Variants in WDR41 observed in about 807,000 individuals in gnomAD.
The protein encoded by WDR41 is WD repeat domain 41, also known as WD repeat-containing protein 41.
A neutral mutation model predicts 69.3 loss-of-function variants in WDR41; 63 were observed. The observed-to-expected ratio is 0.91, with a 90% confidence interval of 0.74 to 1.12. The LOEUF is 1.12. Among genes scored for constraint, WDR41 ranks in the 50% most tolerant of loss-of-function variants. WDR41 has a pLI of 0.00. For synonymous variants in WDR41, 185 were observed against 192.1 expected (o/e 0.96, Z 0.31); for missense variants, 543 against 534.5 (o/e 1.02, Z -0.16).
chr5:77,608,208 A>T (rs1172843865), intron 1 of WDR41, among the ~76,000 whole-genome samples: 3 of 152,208 alleles, frequency 2.0e-5, no homozygotes, highest in Non-Finnish European at 4.4e-5. Flanking sequence ...CATACAGCAG[A>T]ATGTCCTCAA....
chr5:77,562,234 G>C (rs999624663), intron 1 of WDR41, among the ~76,000 whole-genome samples: 9 of 152,140 alleles, frequency 5.9e-5, no homozygotes, highest in African/African-American at 1.9e-4. Flanking sequence ...CAAGGGCAGA[G>C]GGGCCCTGTA....
upstream of WDR41, among the ~76,000 whole-genome samples, chr5:77,495,695 A>G (rs1581773071): frequency 1.3e-5 from 2 of 152,210 alleles, no homozygotes; most frequent in South Asian, 2.1e-4. Flanking sequence ...ACATTTAAAG[A>G]AGAATTAACA....
intron 2 of WDR41, among the ~76,000 whole-genome samples, chr5:77,469,607 C>T (rs1800472895): frequency 6.6e-6 from 1 of 151,834 alleles, no homozygotes; most frequent in African/African-American, 2.4e-5. Flanking sequence ...ATGTTAACAC[C>T]CATCAATAAT....
At chr5:77,458,781 T>C (rs755880328) in intron 5 of WDR41, 22 of 247,956 alleles carry the variant, frequency 8.9e-5, no homozygotes, top group Non-Finnish European at 1.4e-4. Flanking sequence ...CTACAAGTAA[T>C]ATCTCTTCCT....
chr5:77,603,114 T>G (rs7443176), intron 1 of WDR41, among the ~76,000 whole-genome samples: 13,826 of 152,098 alleles, frequency 0.091, 868 homozygotes, highest in East Asian at 0.25. Flanking sequence ...ATTTTTGTAT[T>G]TTTATTAGAG....
At chr5:77,544,894 TC>T (rs200042205) in intron 1 of WDR41, among the ~76,000 whole-genome samples, 1,613 of 152,172 alleles carry the variant, frequency 0.011, 37 homozygotes, top group African/African-American at 0.037. Context: ...CATGGAACTT[TC>T]TCCAGGATAC....
intron 2 of WDR41, among the ~76,000 whole-genome samples, chr5:77,485,999 T>A (rs1413124318): frequency 6.6e-6 from 1 of 152,154 alleles, no homozygotes. Flanking sequence ...AAAAAAAGGA[T>A]AATGATATAA....
At chr5:77,552,493 CT>C (rs1339262614) in intron 1 of WDR41, among the ~76,000 whole-genome samples, 5 of 152,272 alleles carry the variant, frequency 3.3e-5, no homozygotes, top group African/African-American at 4.8e-5. Flanking sequence ...AGTGTAACTC[CT>C]ATCAAAATCC....
chr5:77,455,087 G>T (rs1040106225), intron 5 of WDR41, among the ~76,000 whole-genome samples: 3 of 152,064 alleles, frequency 2.0e-5, no homozygotes, highest in African/African-American at 4.8e-5. Flanking sequence ...TGGCTGTATT[G>T]TATCATTCTA....
chr5:77,611,729 G>C (rs1163446632), intron 1 of WDR41, among the ~76,000 whole-genome samples: 1 of 151,624 alleles, frequency 6.6e-6, no homozygotes, highest in African/African-American at 2.4e-5. Flanking sequence ...ACAATTAAAA[G>C]AACTAGAAAA....
At chr5:77,575,047 A>G (rs1351648865) in intron 1 of WDR41, among the ~76,000 whole-genome samples, 1 of 152,200 alleles carries the variant, frequency 6.6e-6, no homozygotes, top group Non-Finnish European at 1.5e-5. Flanking sequence ...ATGCATTCAG[A>G]AAATTTAAAA....
intron 1 of WDR41, among the ~76,000 whole-genome samples, chr5:77,513,009 C>G (rs1435828783): frequency 2.0e-5 from 3 of 152,132 alleles, no homozygotes; most frequent in African/African-American, 7.2e-5. Flanking sequence ...TTTTCCCCAC[C>G]TGGCTGAAAT....
chr5:77,532,749 A>G (rs1365817577), intron 1 of WDR41, among the ~76,000 whole-genome samples: 1 of 152,168 alleles, frequency 6.6e-6, no homozygotes, highest in East Asian at 1.9e-4. Flanking sequence ...ACTAAATTAT[A>G]CAGTAAATAT....
intron 8 of WDR41, among the ~76,000 whole-genome samples, chr5:77,446,544 A>T (rs437817): frequency 0.13 from 20,150 of 152,202 alleles, 1,827 homozygotes; most frequent in African/African-American, 0.23. Context: ...GGCTACAGTA[A>T]CCAAAACAAC....
chr5:77,431,749 A>G lies in WDR41; in HGVS notation c.*1386T>C, dbSNP rs1439436012. 3.9e-5 allele frequency: 6 copies of G among 152,254 alleles called. No individual in the cohort carries two copies. In the South Asian group the frequency reaches 1.0e-3, roughly 26 times the overall value. 9.4% of individuals were successfully genotyped at this position (152,254 alleles called of 1,614,324 possible). On this transcript the variant is annotated 3_prime_UTR_variant, in exon 13 of 13. Transcript: ENST00000296679. Reference sequence around the variant, plus strand: ...ACTTTACAAATGTATGGGCCAATGCAGAATTTCTAAAGGAAAAAGCACGTG... The same window carrying G: ...ACTTTACAAATGTATGGGCCAATGCGGAATTTCTAAAGGAAAAAGCACGTG...
chr5:77,542,440 G>A (rs1580000702), intron 1 of WDR41, among the ~76,000 whole-genome samples: 1 of 152,004 alleles, frequency 6.6e-6, no homozygotes, highest in Non-Finnish European at 1.5e-5. Context: ...TAAAATAAAA[G>A]TTGGAAATTA....
At chr5:77,458,795 A>T (rs1799929300) in intron 5 of WDR41, 1 of 274,670 alleles carries the variant, frequency 3.6e-6, no homozygotes, top group Non-Finnish European at 6.8e-6. Context: ...TCTTCCTGGA[A>T]CTACCTACAA....
intron 11 of WDR41, among the ~76,000 whole-genome samples, chr5:77,436,768 C>A (rs1226810414): frequency 6.6e-6 from 1 of 152,134 alleles, no homozygotes; most frequent in Non-Finnish European, 1.5e-5. Flanking sequence ...TGTGCAAAAG[C>A]AACACCCCAG....
At chr5:77,618,177 A>G (rs889032843) in intron 1 of WDR41, among the ~76,000 whole-genome samples, 3 of 152,314 alleles carry the variant, frequency 2.0e-5, no homozygotes, top group South Asian at 2.1e-4. Context: ...ATTCCCCTGG[A>G]CATGTGAAGC....
Sources: allele counts gnomAD v4.1 joint callset (sites outside exome capture counted in the v4.1 genomes callset), GRCh38; gene constraint gnomAD v4.1.1; transcripts MANE v1.5; gene names NCBI Gene and HGNC (gene_info 2026-07-23, HGNC 2026-07-21).